The following NUDCD2 variants were observed in gnomAD, a reference collection of about 807,000 sequenced individuals.
The protein encoded by NUDCD2 is nudC domain-containing protein 2.
NUDCD2 carries 16 observed loss-of-function variants against 20.8 expected under a neutral mutation model. The observed-to-expected ratio is 0.77, with a 90% CI of 0.52 to 1.17. The LOEUF (loss-of-function observed/expected upper bound fraction) is 1.17, where lower values mean the gene tolerates loss of function less well. NUDCD2 is among the 50% of genes most tolerant of loss of function. The pLI is 0.00. For synonymous variants in NUDCD2, 87 were observed against 72.8 expected (o/e 1.20, Z -1.00); for missense variants, 199 against 193.9 (o/e 1.03, Z -0.16).
At chr5:163,459,267 A>G (rs1421169521) in intron 1 of NUDCD2, 1 of 152,236 alleles carries the variant, frequency 6.6e-6, no homozygotes, top group African/African-American at 2.4e-5. Context: ...AAGCGGGTCC[A>G]GATCCAAAGA....
In NUDCD2 at chr5:163,457,082, T is replaced by A. The variant is rs1758334913; in HGVS notation, c.239-2A>T. On this transcript the variant is annotated splice_acceptor_variant, in intron 2 of 3. Coordinates refer to ENST00000302764, the MANE Select transcript of NUDCD2 (RefSeq NM_145266.6). LOFTEE classifies it high-confidence loss of function. ...CAATACGAACCATTTTTCTGTCCTCTAAAAAAAAAACACACACACACACAC... is the reference window on the plus strand; with the variant it reads ...CAATACGAACCATTTTTCTGTCCTCAAAAAAAAAAACACACACACACACAC... 2 of 1,405,052 alleles carry A rather than the reference T, an allele frequency of 1.4e-6. No homozygotes were observed. Among genetic ancestry groups the A allele is most frequent in the Admixed American group, 2.1e-5 (1 of 47,906 alleles). The allele number at this position is 1,405,052 out of a possible 1,614,324, so 87.0% of individuals were successfully genotyped here.
chr5:163,459,896 A>G lies in NUDCD2; in HGVS notation c.155T>C (p.Val52Ala). ...CTCGCGGCCGCCCACCGACAGCGCCACATGCCGGCTCTGGAGGCCGCACTG... is the reference window on the plus strand; with the variant it reads ...CTCGCGGCCGCCCACCGACAGCGCCGCATGCCGGCTCTGGAGGCCGCACTG... ...DIQCGLQSRH[V>A]ALSVGGREIL... Residue 52 changes from valine to alanine, a missense_variant, in exon 1 of 4, where the codon GTG becomes GCG. Coordinates refer to ENST00000302764, the MANE Select transcript of NUDCD2 (RefSeq NM_145266.6). 6.2e-7 allele frequency: 1 copy of G among 1,610,136 alleles called. No homozygotes were observed. The highest frequency in any genetic ancestry group is 8.5e-7 in the Non-Finnish European group (1 of 1,178,566).
chr5:163,448,856 A>T lies in NUDCD2; in HGVS notation c.*5111T>A, dbSNP rs1212392292. On this transcript the variant is annotated 3_prime_UTR_variant, in exon 4 of 4. Coordinates refer to ENST00000302764, the MANE Select transcript of NUDCD2 (RefSeq NM_145266.6). Reference sequence around the variant, plus strand: ...TCCATGATTTTAACAGTCTAAACAAAAAGAATGACCAAACTGATACAGAAA... The same window carrying T: ...TCCATGATTTTAACAGTCTAAACAATAAGAATGACCAAACTGATACAGAAA... The T allele has an allele frequency of 1.3e-5, 2 of 152,226 alleles. No individual in the cohort carries two copies. The highest frequency in any genetic ancestry group is 2.4e-5 in the African/African-American group (1 of 41,468). The allele number at this position is 152,226 out of a possible 1,614,324, so 9.4% of individuals were successfully genotyped here. A position where few individuals can be genotyped will look rare whatever the true frequency, so the allele number is the denominator to read the frequency against.
At position 163,451,005 on chromosome 5, in the gene NUDCD2, T is replaced by G. The variant is rs781660244; in HGVS notation, c.*2962A>C. On this transcript the variant is annotated 3_prime_UTR_variant, in exon 4 of 4. Coordinates refer to ENST00000302764, the MANE Select transcript of NUDCD2 (RefSeq NM_145266.6). ...CATGCTCGAATATAGATGAACCTCT[T>G]AAGACATGTAAAGTGAAGGAAGCCA... is the stretch of plus-strand genomic sequence containing the variant. 3 of 152,182 alleles carry G rather than the reference T, an allele frequency of 2.0e-5. No individual in the cohort carries two copies. The highest frequency in any genetic ancestry group is 4.4e-5 in the Non-Finnish European group (3 of 68,032). The allele number at this position is 152,182 out of a possible 1,614,324, so 9.4% of individuals were successfully genotyped here. A position where few individuals can be genotyped will look rare whatever the true frequency, so the allele number is the denominator to read the frequency against.
rs1298936030 is a variant in NUDCD2, at chr5:163,452,368, A to G, written c.*1599T>C. The stretch of plus-strand genomic sequence containing the variant: ...TCGAGGACAGCATGAGAAGCCTGGT[A>G]TATCTTATGCCAGAGAGTAACAAAT... On this transcript the variant is annotated 3_prime_UTR_variant, in exon 4 of 4. Transcript: ENST00000302764. 1.3e-5 allele frequency: 2 copies of G among 152,300 alleles called. No individual in the cohort carries two copies. Among genetic ancestry groups the G allele is most frequent in the Non-Finnish European group, 2.9e-5 (2 of 68,024 alleles). 9.4% of individuals were successfully genotyped at this position (152,300 alleles called of 1,614,324 possible).
At chr5:163,457,518 G>A in intron 2 of NUDCD2, 44 bp downstream of exon 2, 1 of 1,143,958 alleles carries the variant, frequency 8.7e-7, no homozygotes, top group Non-Finnish European at 1.3e-6. Flanking sequence ...AAGATATCAA[G>A]ACAAAATTAT....
intron 1 of NUDCD2, chr5:163,459,661 A>G (rs1758423732): frequency 2.3e-6 from 1 of 428,548 alleles, no homozygotes; most frequent in African/African-American, 2.0e-5. Flanking sequence ...AAACACGAAA[A>G]TAGGCTCCTC....
At chr5:163,459,691 C>A in intron 1 of NUDCD2, 171 bp downstream of exon 1, 1 of 503,068 alleles carries the variant, frequency 2.0e-6, no homozygotes, top group Non-Finnish European at 3.5e-6. Context: ...CAACTCAGCA[C>A]CTGCCCTGAA....
intron 3 of NUDCD2, among the ~76,000 whole-genome samples, chr5:163,456,577 G>T (rs1442552491): frequency 6.6e-6 from 1 of 152,088 alleles, no homozygotes; most frequent in South Asian, 2.1e-4. Flanking sequence ...AGATGAAAAT[G>T]AGATAGATGC....
At chr5:163,454,491 A>G (rs1758252787) in intron 3 of NUDCD2, among the ~76,000 whole-genome samples, 1 of 152,028 alleles carries the variant, frequency 6.6e-6, no homozygotes, top group Non-Finnish European at 1.5e-5. Context: ...ACAGGCATGT[A>G]CCACCATGCC....
chr5:163,459,518 G>A (rs1758418088), intron 1 of NUDCD2: 1 of 161,360 alleles, frequency 6.2e-6, no homozygotes, highest in South Asian at 1.8e-4. Context: ...CTCCACTGCA[G>A]GTACGTTATC....
intron 3 of NUDCD2, among the ~76,000 whole-genome samples, chr5:163,455,570 T>C (rs1758281350): frequency 6.6e-6 from 1 of 152,182 alleles, no homozygotes; most frequent in South Asian, 2.1e-4. Flanking sequence ...GAGACCATCC[T>C]GGCCAACACG....
At position 163,450,674 on chromosome 5, in the gene NUDCD2, G is replaced by C. The variant is rs1488143456; in HGVS notation, c.*3293C>G. ...CAAAATGTCAGGTAAACAAGTATTG[G>C]CAAGGATGCAGAGAAAATGGAACCT... On this transcript the variant is annotated 3_prime_UTR_variant, in exon 4 of 4. Coordinates refer to ENST00000302764, the MANE Select transcript of NUDCD2 (RefSeq NM_145266.6). 6.6e-6 allele frequency: 1 copy of C among 152,182 alleles called. No individual in the cohort carries two copies. The highest frequency in any genetic ancestry group is 1.5e-5 in the Non-Finnish European group (1 of 68,032). The allele number at this position is 152,182 out of a possible 1,614,324, so 9.4% of individuals were successfully genotyped here. A position where few individuals can be genotyped will look rare whatever the true frequency, so the allele number is the denominator to read the frequency against.
chr5:163,459,498 A>G (rs1758416682), intron 1 of NUDCD2: 1 of 155,634 alleles, frequency 6.4e-6, no homozygotes, highest in African/African-American at 2.4e-5. Flanking sequence ...TCCGTACAGG[A>G]GCTTAACCTC....
intron 1 of NUDCD2, chr5:163,459,545 G>A: frequency 5.7e-6 from 1 of 176,042 alleles, no homozygotes; most frequent in Non-Finnish European, 1.2e-5. Flanking sequence ...CTTCCTGCCT[G>A]TCTTCAGTGC....
In NUDCD2 at chr5:163,450,809, G is replaced by A. The variant is rs143365069; in HGVS notation, c.*3158C>T. On this transcript the variant is annotated 3_prime_UTR_variant, in exon 4 of 4. Coordinates refer to ENST00000302764, the MANE Select transcript of NUDCD2 (RefSeq NM_145266.6). The stretch of plus-strand genomic sequence containing the variant: ...TATAACCTAAAAATTCTACTCCTAG[G>A]TAAGAAATGAAAACACATATGCACA... 6.6e-6 allele frequency: 1 copy of A among 152,232 alleles called. No individual in the cohort carries two copies. The highest frequency in any genetic ancestry group is 2.4e-5 in the African/African-American group (1 of 41,538). 9.4% of individuals were successfully genotyped at this position (152,232 alleles called of 1,614,324 possible). A position where few individuals can be genotyped will look rare whatever the true frequency, so the allele number is the denominator to read the frequency against.
rs530503422 is a variant in NUDCD2 at position 163,456,873 on chromosome 5, A to C, written c.390+56T>G. The C allele has an allele frequency of 6.0e-5, 69 of 1,148,370 alleles. No homozygotes were observed. In the South Asian group the frequency reaches 1.5e-3, roughly 26 times the overall value. 71.1% of individuals were successfully genotyped at this position (1,148,370 alleles called of 1,614,324 possible). A position where few individuals can be genotyped will look rare whatever the true frequency, so the allele number is the denominator to read the frequency against. Reference sequence around the variant, plus strand: ...ATTTGAGTTTTAATTTCAAATATTTATTTGATGATTTTTATATATTTAATT... The same window carrying C: ...ATTTGAGTTTTAATTTCAAATATTTCTTTGATGATTTTTATATATTTAATT... On this transcript the variant is annotated intron_variant, in intron 3 of 3. Transcript: ENST00000302764.
At position 163,448,969 on chromosome 5, in the gene NUDCD2, T is replaced by C. The variant is rs1758111331; in HGVS notation, c.*4998A>G. The C allele has an allele frequency of 1.3e-5, 2 of 152,164 alleles. No homozygotes were observed. Among genetic ancestry groups the C allele is most frequent in the Non-Finnish European group, 2.9e-5 (2 of 68,010 alleles). The allele number at this position is 152,164 out of a possible 1,614,324, so 9.4% of individuals were successfully genotyped here. The stretch of plus-strand genomic sequence containing the variant: ...CTTGCTCAACATGACAAAGGGAATT[T>C]AAGAAAAGCCTACAGCTTGCATACA... On this transcript the variant is annotated 3_prime_UTR_variant, in exon 4 of 4. Transcript: ENST00000302764.
At position 163,450,582 on chromosome 5, in the gene NUDCD2, G is replaced by A. The variant is rs1269497683; in HGVS notation, c.*3385C>T. ...AGCACAAGAAAGAATGCTCAACATA[G>A]TATCAGAGAATAGCAAACCAAAACT... On this transcript the variant is annotated 3_prime_UTR_variant, in exon 4 of 4. Coordinates refer to ENST00000302764, the MANE Select transcript of NUDCD2 (RefSeq NM_145266.6). The A allele has an allele frequency of 6.6e-6, 1 of 152,170 alleles. No individual in the cohort carries two copies. Among genetic ancestry groups the A allele is most frequent in the East Asian group, 1.9e-4 (1 of 5,198 alleles). The allele number at this position is 152,170 out of a possible 1,614,324, so 9.4% of individuals were successfully genotyped here.
Sources: allele counts gnomAD v4.1 joint callset (sites outside exome capture counted in the v4.1 genomes callset), GRCh38; gene constraint gnomAD v4.1.1; transcripts MANE v1.5; gene names NCBI Gene and HGNC (gene_info 2026-07-23, HGNC 2026-07-21).